Variants in SMAD3 observed in about 807,000 individuals in gnomAD.
SMAD3 encodes SMAD family member 3.
In SMAD3, 12 loss-of-function variants were observed where a neutral mutation model predicts 51.8. The ratio of observed to expected loss-of-function variants is 0.23; its 90% confidence interval spans 0.15 to 0.38. The LOEUF (loss-of-function observed/expected upper bound fraction) is 0.38. SMAD3 is among the 10% of genes least tolerant of loss of function. The pLI, the probability that SMAD3 is intolerant of heterozygous loss-of-function variation, is 1.00. For missense variants in SMAD3, 294 were observed against 565.6 expected (o/e 0.52, Z 4.87); for synonymous variants, 238 against 227.7 (o/e 1.05, Z -0.41).
chr15:67,098,992 A>T (rs1185272560), intron 1 of SMAD3: 2 of 702,282 alleles, frequency 2.8e-6, no homozygotes, highest in Admixed American at 4.0e-5. Flanking sequence ...CAAACTGTGG[A>T]CAGAGCGTAT....
At position 67,065,859 on chromosome 15, in the gene SMAD3, G is replaced by GGCCGCC. The variant is rs1469113387; in HGVS notation, c.-292_-287dup. 36 of 217,496 alleles carry GGCCGCC rather than the reference G, an allele frequency of 1.7e-4. No homozygotes were observed. In the East Asian group the frequency reaches 2.4e-3, roughly 14 times the overall value. 13.5% of individuals were successfully genotyped at this position (217,496 alleles called of 1,614,324 possible). A position where few individuals can be genotyped will look rare whatever the true frequency, so the allele number is the denominator to read the frequency against. ...CTTCTGCTGCCACTTGGAGTCTCGC[G>GGCCGCC]GCCGCCGCCTCCGCCCCGCGTTCGG... On this transcript the variant is annotated 5_prime_UTR_variant, in exon 1 of 9. Coordinates refer to ENST00000327367, the MANE Select transcript of SMAD3 (RefSeq NM_005902.4).
chr15:67,069,640 A>G (rs1381009783), intron 1 of SMAD3, among the ~76,000 whole-genome samples: 1 of 152,014 alleles, frequency 6.6e-6, no homozygotes, highest in African/African-American at 2.4e-5. Flanking sequence ...CACCCAGTCC[A>G]GTGGAAAATT....
chr15:67,152,839 T>A (rs746660687), intron 1 of SMAD3, among the ~76,000 whole-genome samples: 1 of 152,190 alleles, frequency 6.6e-6, no homozygotes, highest in Non-Finnish European at 1.5e-5. Context: ...GAAAAAAGTT[T>A]GTGAAGACCA....
intron 1 of SMAD3, among the ~76,000 whole-genome samples, chr15:67,082,419 TG>T (rs1270034055): frequency 6.6e-6 from 1 of 152,144 alleles, no homozygotes; most frequent in Non-Finnish European, 1.5e-5. Context: ...GGGTTTGAAG[TG>T]GGGGCAGGGC....
At chr15:67,123,127 T>C (rs1194589897) in intron 1 of SMAD3, among the ~76,000 whole-genome samples, 1 of 142,832 alleles carries the variant, frequency 7.0e-6, no homozygotes, top group South Asian at 2.2e-4. Flanking sequence ...AGCCAGGAGT[T>C]AAAGTCTGCA....
chr15:67,111,650 GT>G (rs1216617106), intron 1 of SMAD3, among the ~76,000 whole-genome samples: 1 of 152,140 alleles, frequency 6.6e-6, no homozygotes, highest in African/African-American at 2.4e-5. Flanking sequence ...CCCCATCCTT[GT>G]CAACACTTGT....
chr15:67,110,924 A>G (rs1960999354), intron 1 of SMAD3, among the ~76,000 whole-genome samples: 1 of 152,256 alleles, frequency 6.6e-6, no homozygotes, highest in Non-Finnish European at 1.5e-5. Context: ...CTCAGAAACA[A>G]CATTGGTACA....
At chr15:67,115,903 A>T (rs7168228) in intron 1 of SMAD3, among the ~76,000 whole-genome samples, 139,916 of 152,192 alleles carry the variant, frequency 0.92, 64,354 homozygotes, top group East Asian at 0.97. Context: ...GAAAAGACAT[A>T]GGAGCCAAGA....
At chr15:67,157,301 T>C (rs1962308750) in intron 1 of SMAD3, among the ~76,000 whole-genome samples, 2 of 152,244 alleles carry the variant, frequency 1.3e-5, no homozygotes, top group Admixed American at 1.3e-4. Context: ...AGGTATTCAA[T>C]AACTATGCTG....
chr15:67,071,785 C>G (rs548763947), intron 1 of SMAD3, among the ~76,000 whole-genome samples: 56 of 152,184 alleles, frequency 3.7e-4, no homozygotes, highest in Non-Finnish European at 6.6e-4. Flanking sequence ...GCACTCCAGC[C>G]TGGGCGACAG....
intron 5 of SMAD3, among the ~76,000 whole-genome samples, chr15:67,178,890 T>A (rs919483937): frequency 6.6e-6 from 1 of 152,156 alleles, no homozygotes; most frequent in Non-Finnish European, 1.5e-5. Flanking sequence ...TTTGATGCCT[T>A]CATCCTTATC....
chr15:67,189,891 A>T (rs1326137165), intron 8 of SMAD3, among the ~76,000 whole-genome samples: 1 of 152,038 alleles, frequency 6.6e-6, no homozygotes, highest in Non-Finnish European at 1.5e-5. Flanking sequence ...TGAGAATTAT[A>T]TCAGCACATT....
intron 1 of SMAD3, among the ~76,000 whole-genome samples, chr15:67,129,704 A>G (rs1243822599): frequency 6.6e-6 from 1 of 152,192 alleles, no homozygotes; most frequent in Non-Finnish European, 1.5e-5. Flanking sequence ...AGAGGGTGAA[A>G]TTAATTTTAA....
chr15:67,165,503 C>A, intron 3 of SMAD3, 119 bp downstream of exon 3: 1 of 1,273,816 alleles, frequency 7.9e-7, no homozygotes, highest in Non-Finnish European at 1.1e-6. Context: ...CCTCTTTGCG[C>A]ACAGCTCTGG....
intron 1 of SMAD3, among the ~76,000 whole-genome samples, chr15:67,070,373 C>T (rs1482839722): frequency 2.0e-5 from 3 of 152,166 alleles, no homozygotes; most frequent in Non-Finnish European, 2.9e-5. Flanking sequence ...CGCCACTTGA[C>T]GTTCCCTGGG....
chr15:67,111,757 A>G (rs139004228), intron 1 of SMAD3, among the ~76,000 whole-genome samples: 2 of 152,208 alleles, frequency 1.3e-5, no homozygotes, highest in Non-Finnish European at 2.9e-5. Context: ...GATATTGATC[A>G]TCTCTCCTTG....
chr15:67,166,697 C>A, intron 3 of SMAD3, 82 bp from the exon 4 acceptor site: 2 of 853,374 alleles, frequency 2.3e-6, no homozygotes, highest in Non-Finnish European at 3.9e-6. Flanking sequence ...TCATGGTGTG[C>A]ATGTGTGATG....
chr15:67,139,740 T>G (rs1199107281), intron 1 of SMAD3, among the ~76,000 whole-genome samples: 15 of 152,214 alleles, frequency 9.9e-5, no homozygotes, highest in Admixed American at 9.2e-4. Flanking sequence ...GAATTATTAT[T>G]TCACCCTGAC....
At chr15:67,107,037 C>T (rs1022840047) in intron 1 of SMAD3, among the ~76,000 whole-genome samples, 1 of 152,096 alleles carries the variant, frequency 6.6e-6, no homozygotes, top group Admixed American at 6.6e-5. Flanking sequence ...GACTTGGCTT[C>T]TGTCGGCTTC....
Sources: allele counts gnomAD v4.1 joint callset (sites outside exome capture counted in the v4.1 genomes callset), GRCh38; gene constraint gnomAD v4.1.1; transcripts MANE v1.5; gene names NCBI Gene and HGNC (gene_info 2026-07-23, HGNC 2026-07-21).